TEAD3: variants seen among roughly 807,000 people sequenced by gnomAD.
TEAD3 encodes the protein TEA domain transcription factor 3.
Under a neutral mutation model 55.6 loss-of-function variants are expected in TEAD3, and 15 were observed. The observed-to-expected ratio is 0.27, with a 90% CI of 0.18 to 0.42. The LOEUF (loss-of-function observed/expected upper bound fraction) is 0.42, where lower values mean the gene tolerates loss of function less well. Ranked by LOEUF, TEAD3 falls within the 10% of genes least tolerant of loss-of-function variation. The probability of loss-of-function intolerance (pLI) is 1.00; values close to 1 mark genes in which losing one functional copy is unlikely to be tolerated. For missense variants in TEAD3, 407 were observed against 576.8 expected (o/e 0.71, Z 3.01); for synonymous variants, 210 against 232.2 (o/e 0.90, Z 0.87).
chr6:35,478,417 T>G lies in TEAD3; in HGVS notation c.480+17A>C. 1.2e-6 allele frequency: 2 copies of G among 1,613,564 alleles called. No homozygotes were observed. Among genetic ancestry groups the G allele is most frequent in the Non-Finnish European group, 1.7e-6 (2 of 1,179,758 alleles). ...CAGCACACCCCCACACCAGCCCACC[T>G]CCTGGGACCCATGTACCCGCGAGGA... On this transcript the variant is annotated intron_variant, in intron 6 of 12. Transcript: ENST00000639578.
chr6:35,477,471 C>T, intron 7 of TEAD3, 99 bp from the exon 8 acceptor site: 2 of 1,165,898 alleles, frequency 1.7e-6, no homozygotes, highest in Non-Finnish European at 2.4e-6. Flanking sequence ...GCCACCCAGC[C>T]TTTCTGCTGA....
At position 35,477,444 on chromosome 6, in the gene TEAD3, CAAG is replaced by C. The variant is rs1299901351; in HGVS notation, c.531-75_531-73del. 4 of 1,476,270 alleles carry C rather than the reference CAAG, an allele frequency of 2.7e-6. No homozygotes were observed. In the African/African-American group the frequency reaches 4.1e-5, roughly 15 times the overall value. 91.4% of individuals were successfully genotyped at this position (1,476,270 alleles called of 1,614,324 possible). A position where few individuals can be genotyped will look rare whatever the true frequency, so the allele number is the denominator to read the frequency against. On this transcript the variant is annotated intron_variant, in intron 7 of 12. Transcript: ENST00000639578. ...CTTCCACCTGGCCCAGCCCCTCTTC[CAAG>C]ACCCCAGGAGCAAGCCACCCAGCCT...
intron 7 of TEAD3, among the ~76,000 whole-genome samples, chr6:35,477,808 C>T (rs966225365): frequency 1.1e-4 from 17 of 151,676 alleles, no homozygotes; most frequent in African/African-American, 3.6e-4. Flanking sequence ...GAACAGCCAG[C>T]GCATCAGCTG....
At chr6:35,479,378 G>C (rs1768221271) in intron 4 of TEAD3, 62 bp from the exon 5 acceptor site, 1 of 1,606,676 alleles carries the variant, frequency 6.2e-7, no homozygotes, top group Non-Finnish European at 8.5e-7. Flanking sequence ...TGTGGGCTGA[G>C]GGACGTCTTT....
At chr6:35,490,748 G>A (rs1292014559) in intron 1 of TEAD3, among the ~76,000 whole-genome samples, 1 of 152,226 alleles carries the variant, frequency 6.6e-6, no homozygotes, top group Non-Finnish European at 1.5e-5. Context: ...TAACTGCTGG[G>A]ACCCAGGCCG....
Position 35,480,382 on chromosome 6 carries a change from CCGCCCCG to C in TEAD3, c.268-267_268-261del. ...CTGTATGTGGCTGGACACCTAGGGGCCGCCCCGCGCCCCGCCAGAGAGGAAAACATAG... is the reference window on the plus strand; with the variant it reads ...CTGTATGTGGCTGGACACCTAGGGGCCGCCCCGCCAGAGAGGAAAACATAG... On this transcript the variant is annotated intron_variant, in intron 3 of 12. Transcript: ENST00000639578. 6.2e-7 allele frequency: 1 copy of C among 1,613,664 alleles called. No homozygotes were observed. Among genetic ancestry groups the C allele is most frequent in the Non-Finnish European group, 8.5e-7 (1 of 1,179,774 alleles).
chr6:35,494,852 C>T (rs984148154), intron 1 of TEAD3, among the ~76,000 whole-genome samples: 1 of 146,184 alleles, frequency 6.8e-6, no homozygotes, highest in African/African-American at 2.5e-5. Context: ...CCACCAAGCC[C>T]CCCTGTCCCT....
exon 7 of TEAD3, chr6:35,478,290 G>A (rs769394960): frequency 3.1e-6 from 5 of 1,613,806 alleles, no homozygotes; most frequent in Non-Finnish European, 4.2e-6. Context: ...AGAGGGTCCA[G>A]GCTGCTGTCC....
At chr6:35,487,054 A>C (rs1381316531) in intron 1 of TEAD3, among the ~76,000 whole-genome samples, 3 of 152,260 alleles carry the variant, frequency 2.0e-5, no homozygotes, top group African/African-American at 7.2e-5. Context: ...AGAAATAGGT[A>C]ATCGGTAACA....
chr6:35,480,423 G>T, intron 3 of TEAD3, 49 bp from the exon 4 acceptor site: 1 of 1,606,584 alleles, frequency 6.2e-7, no homozygotes, highest in Non-Finnish European at 8.5e-7. Context: ...AGACAGTGAG[G>T]AGGCACAGCC....
intron 8 of TEAD3, 118 bp from the exon 9 acceptor site, chr6:35,476,553 C>T: frequency 7.8e-7 from 1 of 1,277,128 alleles, no homozygotes; most frequent in Non-Finnish European, 1.1e-6. Flanking sequence ...GATTTTGACT[C>T]CCCTACTATG....
intron 5 of TEAD3, 71 bp downstream of exon 5, chr6:35,479,234 C>T (rs1768217142): frequency 4.4e-6 from 7 of 1,582,682 alleles, no homozygotes; most frequent in Admixed American, 1.7e-5. Context: ...CATAATCTGT[C>T]ATTTGAAAAT....
At chr6:35,478,499 C>T in exon 6 of TEAD3, 3 of 1,611,898 alleles carry the variant, frequency 1.9e-6, no homozygotes, top group Non-Finnish European at 2.5e-6. Flanking sequence ...TTCTGCAGGA[C>T]ACTGGCAGAG....
chr6:35,491,829 C>T lies in TEAD3; in HGVS notation c.-50+5069G>A, dbSNP rs1162654611. Among the ~76,000 whole-genome samples the T allele has an allele frequency of 1.3e-5, 2 of 152,186 alleles. No homozygotes were observed. Among genetic ancestry groups the T allele is most frequent in the East Asian group, 1.9e-4 (1 of 5,192 alleles). On this transcript the variant is annotated intron_variant, in intron 1 of 12. Transcript: ENST00000639578. This position sits in a 1 kb window ranked among gnomAD's most constrained non-coding sequence, Gnocchi z 4.4. ...AGATAAGGGGCACCTTGCTGCCCACCCCCACCCTGGGGCAAGACCTGCTGG... is the reference window on the plus strand; with the variant it reads ...AGATAAGGGGCACCTTGCTGCCCACTCCCACCCTGGGGCAAGACCTGCTGG...
intron 8 of TEAD3, 127 bp downstream of exon 8, chr6:35,477,184 G>T (rs1173039579): frequency 1.1e-6 from 1 of 941,466 alleles, no homozygotes; most frequent in East Asian, 2.6e-5. Flanking sequence ...GCTATTCCTG[G>T]CCTGTCCCAA....
chr6:35,484,273 G>A lies in TEAD3; in HGVS notation c.267+287C>T, dbSNP rs1581725713. 1.3e-5 allele frequency among the ~76,000 whole-genome samples: 2 copies of A among 152,186 alleles called. No homozygotes were observed. The highest frequency in any genetic ancestry group is 1.3e-4 in the Admixed American group (2 of 15,274). On this transcript the variant is annotated intron_variant, in intron 3 of 12. Transcript: ENST00000639578. This position sits in a 1 kb window ranked among gnomAD's most constrained non-coding sequence, Gnocchi z 5.8. ...ACCATGTAGCAGCCACAGCAGCCCC[G>A]TGGGCTTATCTGTGGTCCCTGAACC...
chr6:35,474,886 G>A (rs1768108987), downstream of TEAD3: 1 of 615,736 alleles, frequency 1.6e-6, no homozygotes, highest in Non-Finnish European at 2.9e-6. Context: ...ACAGTGGCAG[G>A]GAGTGTGTGT....
chr6:35,475,159 T>TG lies in TEAD3; in HGVS notation c.1195-3dup, dbSNP rs1366031473. 1.9e-6 allele frequency: 3 copies of TG among 1,575,978 alleles called. No individual in the cohort carries two copies. Among genetic ancestry groups the TG allele is most frequent in the African/African-American group, 2.7e-5 (2 of 73,946 alleles). On this transcript the variant is annotated splice_region_variant and splice_polypyrimidine_tract_variant and intron_variant, in intron 12 of 12. Coordinates refer to ENST00000639578, the Ensembl canonical transcript of TEAD3. This position sits in a 1 kb window ranked among gnomAD's most constrained non-coding sequence, Gnocchi z 5.4. Reference sequence around the variant, plus strand: ...CTGGGAGTCCCGGCTCGTGACCACCTGGGGGGTGAGCAGGTAAGAGATTCA... The same window carrying TG: ...CTGGGAGTCCCGGCTCGTGACCACCTGGGGGGGTGAGCAGGTAAGAGATTCA...
rs1420238735 is a variant in TEAD3 at position 35,485,354 on chromosome 6, C to T, written c.203-730G>A. On this transcript the variant is annotated intron_variant, in intron 2 of 12. Transcript: ENST00000639578. The surrounding 1 kb of genome is among the most constrained non-coding windows in gnomAD (Gnocchi z 4.3). ...GCGGGGTCTGTTCTGCACCACAGAC[C>T]CTCTGAGGGCCCAAAAGCTGCCAGT... Among the ~76,000 whole-genome samples the T allele has an allele frequency of 2.6e-5, 4 of 152,024 alleles. No individual in the cohort carries two copies. Among genetic ancestry groups the T allele is most frequent in the Non-Finnish European group, 5.9e-5 (4 of 67,990 alleles).
Sources: gnomAD v4.1 joint callset for allele counts (sites outside exome capture counted in the v4.1 genomes callset) on GRCh38, gnomAD v4.1.1 for gene constraint, Gnocchi (gnomAD v3.1) non-coding constraint, MANE v1.5 for transcripts, NCBI Gene and HGNC (gene_info 2026-07-23, HGNC 2026-07-21) for gene names.